FHOD3: variants seen among roughly 807,000 people sequenced by gnomAD.
The protein encoded by FHOD3 is FH1/FH2 domain-containing protein 3.
Under a neutral mutation model 173.0 loss-of-function variants are expected in FHOD3, and 90 were observed. The observed-to-expected ratio is 0.52, with a 90% CI of 0.44 to 0.62. The LOEUF (loss-of-function observed/expected upper bound fraction) is 0.62. Among genes scored for constraint, FHOD3 ranks in the 20% least tolerant of loss-of-function variants. FHOD3 has a pLI of 0.00. For missense variants in FHOD3, 1,945 were observed against 2,034.7 expected (o/e 0.96, Z 0.85); for synonymous variants, 828 against 823.0 (o/e 1.01, Z -0.10).
chr18:36,686,611 C>A (rs1227366011), intron 15 of FHOD3, among the ~76,000 whole-genome samples: 1 of 143,966 alleles, frequency 6.9e-6, no homozygotes, highest in African/African-American at 2.6e-5. Context: ...TGTAACAGAC[C>A]TGCACACCCC....
intron 9 of FHOD3, among the ~76,000 whole-genome samples, chr18:36,612,363 A>G (rs2032771619): frequency 6.6e-6 from 1 of 152,212 alleles, no homozygotes; most frequent in Non-Finnish European, 1.5e-5. Context: ...ATTTTCCTTT[A>G]AAGAACATGC....
chr18:36,747,118 T>C lies in FHOD3; in HGVS notation c.4215T>C (p.His1405=), dbSNP rs1600534135. The change falls in exon 24 of 29, where the codon CAT becomes CAC. Residue 1405 remains histidine (H), a synonymous_variant. Coordinates refer to ENST00000590592, the MANE Select transcript of FHOD3 (RefSeq NM_001281740.3). ...AERIIILKIV[H]RRIINRFHSF... is the part of the protein sequence containing the mutation. Reference sequence around the variant, plus strand: ...GAATTATAATTTTAAAGATTGTCCATAGAAGGATAATCAACAGGTAAGTGG... The same window carrying C: ...GAATTATAATTTTAAAGATTGTCCACAGAAGGATAATCAACAGGTAAGTGG... 1.2e-6 allele frequency: 2 copies of C among 1,611,028 alleles called. No individual in the cohort carries two copies. The highest frequency in any genetic ancestry group is 1.7e-6 in the Non-Finnish European group (2 of 1,178,798).
rs546654732 is a variant in FHOD3, at chr18:36,715,495, T to C, written c.2534-2337T>C. Among the ~76,000 whole-genome samples the C allele has an allele frequency of 4.9e-4, 75 of 152,274 alleles. No individual in the cohort carries two copies. In the South Asian group the frequency reaches 0.015, roughly 31 times the overall value. On this transcript the variant is annotated intron_variant, in intron 18 of 28. Coordinates refer to ENST00000590592, the MANE Select transcript of FHOD3 (RefSeq NM_001281740.3). Reference sequence around the variant, plus strand: ...TTATAGCAGCATGAGAACAGACTAATACAAGCCCCAAAGAGGCAAACCCAG... The same window carrying C: ...TTATAGCAGCATGAGAACAGACTAACACAAGCCCCAAAGAGGCAAACCCAG...
chr18:36,663,009 C>G (rs1189553943), intron 14 of FHOD3, among the ~76,000 whole-genome samples: 1 of 152,082 alleles, frequency 6.6e-6, no homozygotes. Context: ...GTAGCAATCA[C>G]TTTTCTCATT....
intron 1 of FHOD3, among the ~76,000 whole-genome samples, chr18:36,349,334 G>C (rs1373448284): frequency 6.6e-6 from 1 of 152,212 alleles, no homozygotes; most frequent in Non-Finnish European, 1.5e-5. Flanking sequence ...CAAGACACAG[G>C]TCACCCAGAT....
At chr18:36,611,908 AGTC>A in intron 8 of FHOD3, 41 bp from the exon 9 acceptor site, 1 of 1,577,076 alleles carries the variant, frequency 6.3e-7, no homozygotes, top group East Asian at 2.3e-5. Context: ...GCCTCAAGGC[AGTC>A]TTCTGTGGTG....
At chr18:36,771,384 A>G (rs1412751613) in intron 28 of FHOD3, among the ~76,000 whole-genome samples, 1 of 152,202 alleles carries the variant, frequency 6.6e-6, no homozygotes, top group Non-Finnish European at 1.5e-5. Context: ...ATTTTTGCCT[A>G]TCTGCAGGCT....
At chr18:36,606,090 G>A (rs557119533) in intron 8 of FHOD3, among the ~76,000 whole-genome samples, 1 of 152,162 alleles carries the variant, frequency 6.6e-6, no homozygotes. Context: ...GGAAGCCATG[G>A]GGAGAGGAGT....
At chr18:36,404,317 C>T (rs1001187724) in intron 3 of FHOD3, among the ~76,000 whole-genome samples, 1 of 152,192 alleles carries the variant, frequency 6.6e-6, no homozygotes, top group African/African-American at 2.4e-5. Context: ...TGGCCTCTTA[C>T]TGCTCTGTGA....
intron 10 of FHOD3, among the ~76,000 whole-genome samples, chr18:36,646,008 C>T (rs552685202): frequency 7.2e-5 from 11 of 152,128 alleles, no homozygotes; most frequent in Admixed American, 1.3e-4. Flanking sequence ...AGATTTGGAA[C>T]AAGAAAAGGA....
rs1378283085 is a variant in FHOD3 at position 36,625,666 on chromosome 18, G to A, written c.1113G>A (p.Lys371=). 2 of 1,612,596 alleles carry A rather than the reference G, an allele frequency of 1.2e-6. No individual in the cohort carries two copies. Among genetic ancestry groups the A allele is most frequent in the Admixed American group, 1.7e-5 (1 of 59,890 alleles). ...RSRRHSVQSI[K]STLSAPTSPC... is the part of the protein sequence containing the mutation. ...GCAGGCACTCGGTGCAGAGCATCAAGAGCACCCTGTCGGCCCCCACCAGTC... is the reference window on the plus strand; with the variant it reads ...GCAGGCACTCGGTGCAGAGCATCAAAAGCACCCTGTCGGCCCCCACCAGTC... Residue 371 remains lysine, a synonymous_variant, in exon 10 of 29, where the codon AAG becomes AAA. Transcript: ENST00000590592.
In FHOD3 at chr18:36,335,953, G is replaced by A. The variant is rs1029651838; in HGVS notation, c.166-19586G>A. Among the ~76,000 whole-genome samples the A allele has an allele frequency of 1.4e-4, 21 of 152,282 alleles. No individual in the cohort carries two copies. In the East Asian group the frequency reaches 3.7e-3, roughly 27 times the overall value. The stretch of plus-strand genomic sequence containing the variant: ...GTTATACTCATGCACATGACGGCAC[G>A]GGCATCTCGCTGGGAGAACAGCATG... On this transcript the variant is annotated intron_variant, in intron 1 of 28. Coordinates refer to ENST00000590592, the MANE Select transcript of FHOD3 (RefSeq NM_001281740.3).
intron 3 of FHOD3, among the ~76,000 whole-genome samples, chr18:36,437,818 C>G (rs144688109): frequency 6.6e-6 from 1 of 152,074 alleles, no homozygotes; most frequent in Non-Finnish European, 1.5e-5. Context: ...CACGTGCCAC[C>G]ACAGCCAGCT....
chr18:36,391,924 C>T (rs1347055192), intron 3 of FHOD3, among the ~76,000 whole-genome samples: 1 of 152,176 alleles, frequency 6.6e-6, no homozygotes, highest in African/African-American at 2.4e-5. Context: ...GGGAAAATGG[C>T]TTGTGGTCTT....
At chr18:36,515,811 C>G (rs914635649) in intron 5 of FHOD3, among the ~76,000 whole-genome samples, 2 of 152,188 alleles carry the variant, frequency 1.3e-5, no homozygotes, top group African/African-American at 4.8e-5. Context: ...AGAAGGCTCC[C>G]CATGCATTAT....
chr18:36,675,336 C>T (rs2037783474), intron 14 of FHOD3, among the ~76,000 whole-genome samples: 1 of 152,102 alleles, frequency 6.6e-6, no homozygotes, highest in Non-Finnish European at 1.5e-5. Flanking sequence ...TCTCTTCATA[C>T]AGTTGGCATC....
intron 14 of FHOD3, among the ~76,000 whole-genome samples, chr18:36,666,857 G>A (rs372779535): frequency 1.3e-5 from 2 of 152,128 alleles, no homozygotes; most frequent in African/African-American, 4.8e-5. Context: ...TGACCACAAT[G>A]GAGATAATGT....
At chr18:36,335,273 A>T in intron 1 of FHOD3, among the ~76,000 whole-genome samples, 1 of 152,076 alleles carries the variant, frequency 6.6e-6, no homozygotes, top group East Asian at 1.9e-4. Context: ...AGGCGGGCGG[A>T]TCACGAGGTC....
intron 3 of FHOD3, among the ~76,000 whole-genome samples, chr18:36,491,189 T>C (rs1007317004): frequency 4.6e-5 from 7 of 152,164 alleles, no homozygotes; most frequent in African/African-American, 1.7e-4. Context: ...AGTTGTGCCC[T>C]CCATGAGCCT....
Sources: allele counts gnomAD v4.1 joint callset (sites outside exome capture counted in the v4.1 genomes callset), GRCh38; gene constraint gnomAD v4.1.1; transcripts MANE v1.5; gene names NCBI Gene and HGNC (gene_info 2026-07-23, HGNC 2026-07-21).